The following RAB4A variants were observed in gnomAD, a reference collection of about 807,000 sequenced individuals.
RAB4A encodes RAB4A, member RAS oncogene family.
Under a neutral mutation model 34.5 loss-of-function variants are expected in RAB4A, and 20 were observed. The ratio of observed to expected loss-of-function variants is 0.58; its 90% CI spans 0.41 to 0.84. The LOEUF (loss-of-function observed/expected upper bound fraction) is 0.84, where lower values mean the gene tolerates loss of function less well. Ranked by LOEUF, RAB4A falls within the 40% of genes least tolerant of loss-of-function variation. The probability of loss-of-function intolerance (pLI) is 0.00; values close to 1 mark genes in which losing one functional copy is unlikely to be tolerated. For missense variants in RAB4A, 228 were observed against 274.5 expected, an observed-to-expected ratio of 0.83 and a Z score of 1.20; for synonymous variants, 102 against 100.0, an observed-to-expected ratio of 1.02 and a Z score of -0.12.
At chr1:229,291,863 T>C (rs1281612644) in intron 3 of RAB4A, among the ~76,000 whole-genome samples, 2 of 152,196 alleles carry the variant, frequency 1.3e-5, no homozygotes, top group East Asian at 3.9e-4. Context: ...GTGGCACATA[T>C]ACACCATGGA....
At chr1:229,302,276 TA>T (rs56117231) in intron 6 of RAB4A, among the ~76,000 whole-genome samples, 298 of 27,004 alleles carry the variant, frequency 0.011, 20 homozygotes, top group African/African-American at 0.017. Context: ...TATATATATA[TA>T]TATATATATA....
chr1:229,290,613 G>A (rs6693714), intron 3 of RAB4A, among the ~76,000 whole-genome samples: 59,543 of 152,004 alleles, frequency 0.39, 11,979 homozygotes, highest in Admixed American at 0.45. Context: ...TTTGAAGAAA[G>A]TTTCTATAGC....
chr1:229,294,402 G>A (rs558452570), intron 3 of RAB4A, among the ~76,000 whole-genome samples: 5 of 152,360 alleles, frequency 3.3e-5, no homozygotes, highest in African/African-American at 4.8e-5. Context: ...GAGGCTGCGC[G>A]AGTGAGTGAG....
At chr1:229,295,018 A>G (rs1392925715) in intron 3 of RAB4A, among the ~76,000 whole-genome samples, 1 of 148,758 alleles carries the variant, frequency 6.7e-6, no homozygotes, top group Admixed American at 6.8e-5. Context: ...GCTGGAGTGC[A>G]GTGGCATGAT....
chr1:229,277,779 TG>T (rs1409364230), intron 1 of RAB4A, among the ~76,000 whole-genome samples: 5 of 151,332 alleles, frequency 3.3e-5, no homozygotes, highest in Non-Finnish European at 7.4e-5. Context: ...GACTGCTCCC[TG>T]GACTTTGTCA....
chr1:229,281,960 A>G (rs576890648), intron 1 of RAB4A, among the ~76,000 whole-genome samples: 4 of 152,038 alleles, frequency 2.6e-5, no homozygotes, highest in Non-Finnish European at 5.9e-5. Context: ...ACAGTTAAAC[A>G]TAATGAAGAA....
intron 1 of RAB4A, among the ~76,000 whole-genome samples, chr1:229,279,519 T>C (rs181067398): frequency 1.3e-5 from 2 of 152,330 alleles, no homozygotes; most frequent in Admixed American, 1.3e-4. Context: ...TTGAAGTGAA[T>C]GTAAAACAAG....
chr1:229,273,405 T>C (rs111396245), intron 1 of RAB4A, among the ~76,000 whole-genome samples: 2,301 of 152,322 alleles, frequency 0.015, 25 homozygotes, highest in Non-Finnish European at 0.023. Context: ...AATCTTTTCT[T>C]CTAATAGAGG....
chr1:229,274,254 G>A (rs1031735377), intron 1 of RAB4A, among the ~76,000 whole-genome samples: 5 of 148,660 alleles, frequency 3.4e-5, no homozygotes, highest in Non-Finnish European at 5.9e-5. Flanking sequence ...TTGTAGAGAC[G>A]AGGTCTCTGT....
At chr1:229,291,708 G>C (rs954802738) in intron 3 of RAB4A, among the ~76,000 whole-genome samples, 1 of 152,170 alleles carries the variant, frequency 6.6e-6, no homozygotes, top group Non-Finnish European at 1.5e-5. Context: ...CAGAAAGAGA[G>C]AACTCACCTC....
At chr1:229,281,379 T>G (rs1656772559) in intron 1 of RAB4A, among the ~76,000 whole-genome samples, 2 of 152,184 alleles carry the variant, frequency 1.3e-5, no homozygotes, top group Admixed American at 6.5e-5. Context: ...TTAATAGTTA[T>G]GTAATGACCC....
chr1:229,298,931 G>T (rs764857614), intron 5 of RAB4A, 46 bp from the exon 6 acceptor site: 2 of 1,397,338 alleles, frequency 1.4e-6, no homozygotes, highest in South Asian at 1.2e-5. Context: ...TGAAAATTAT[G>T]ATCATCTTCT....
chr1:229,295,310 G>A (rs903280727), intron 3 of RAB4A, among the ~76,000 whole-genome samples: 21 of 152,280 alleles, frequency 1.4e-4, no homozygotes, highest in African/African-American at 4.1e-4. Flanking sequence ...ACCAAAAGAC[G>A]CCTTCTTGAA....
At chr1:229,291,050 AAGC>A (rs1657056445) in intron 3 of RAB4A, among the ~76,000 whole-genome samples, 3 of 152,206 alleles carry the variant, frequency 2.0e-5, no homozygotes, top group Admixed American at 2.0e-4. Flanking sequence ...AAGAGGGAAA[AAGC>A]AGCCACATAT....
At chr1:229,296,271 G>T (rs985039858) in intron 4 of RAB4A, among the ~76,000 whole-genome samples, 1 of 152,160 alleles carries the variant, frequency 6.6e-6, no homozygotes, top group African/African-American at 2.4e-5. Context: ...ACAGACTCTG[G>T]GCTGAGATTG....
intron 1 of RAB4A, among the ~76,000 whole-genome samples, chr1:229,281,831 T>C (rs1656786935): frequency 7.1e-6 from 1 of 141,750 alleles, no homozygotes; most frequent in African/African-American, 2.9e-5. Context: ...TATATATATA[T>C]ATATATATAT....
intron 1 of RAB4A, among the ~76,000 whole-genome samples, chr1:229,283,139 G>T (rs151252390): frequency 6.6e-6 from 1 of 152,270 alleles, no homozygotes; most frequent in East Asian, 1.9e-4. Context: ...TAGAAGTTCA[G>T]ATTCCCCACT....
At chr1:229,302,332 G>T (rs1333479901) in intron 6 of RAB4A, among the ~76,000 whole-genome samples, 2 of 83,816 alleles carry the variant, frequency 2.4e-5, no homozygotes, top group African/African-American at 5.1e-5. Flanking sequence ...TTTTACATGT[G>T]CATGAGTCTG....
chr1:229,281,349 G>C (rs1302898746), intron 1 of RAB4A, among the ~76,000 whole-genome samples: 3 of 152,014 alleles, frequency 2.0e-5, no homozygotes, highest in Admixed American at 6.6e-5. Context: ...ATATCTTATT[G>C]GTGGGTTTAC....
Sources: allele counts gnomAD v4.1 joint callset (sites outside exome capture counted in the v4.1 genomes callset), GRCh38; gene constraint gnomAD v4.1.1; transcripts MANE v1.5; gene names NCBI Gene and HGNC (gene_info 2026-07-23, HGNC 2026-07-21).